The following MICU3 variants were observed in gnomAD, a reference collection of about 807,000 sequenced individuals.
MICU3 encodes the protein mitochondrial calcium uptake 3.
MICU3 carries 62 observed loss-of-function variants against 66.5 expected under a neutral mutation model. The observed-to-expected ratio is 0.93, with a 90% confidence interval of 0.76 to 1.15. The LOEUF (loss-of-function observed/expected upper bound fraction) is 1.15. Among genes scored for constraint, MICU3 ranks in the 50% most tolerant of loss-of-function variants. The pLI, the probability that MICU3 is intolerant of heterozygous loss-of-function variation, is 0.00. For missense variants in MICU3, 779 were observed against 664.4 expected, an observed-to-expected ratio of 1.17 and a Z score of -1.90; for synonymous variants, 308 against 240.7, an observed-to-expected ratio of 1.28 and a Z score of -2.59.
chr8:17,119,169 A>G (rs1190149366), intron 14 of MICU3, among the ~76,000 whole-genome samples: 1 of 152,188 alleles, frequency 6.6e-6, no homozygotes, highest in African/African-American at 2.4e-5. Context: ...CCATTTAACA[A>G]CAGAGAAAAA....
intron 1 of MICU3, among the ~76,000 whole-genome samples, chr8:17,037,906 T>C (rs1222209158): frequency 6.6e-6 from 1 of 152,222 alleles, no homozygotes; most frequent in Non-Finnish European, 1.5e-5. Context: ...TTGCCTGTCC[T>C]GTTGGATTTT....
chr8:17,038,148 C>T (rs183142116), intron 1 of MICU3, among the ~76,000 whole-genome samples: 65 of 152,070 alleles, frequency 4.3e-4, no homozygotes, highest in Non-Finnish European at 8.2e-4. Flanking sequence ...TTGGAAGGCA[C>T]GATCAATTTT....
At chr8:17,102,806 G>T (rs532168849) in intron 9 of MICU3, 1 of 152,014 alleles carries the variant, frequency 6.6e-6, no homozygotes, top group African/African-American at 2.4e-5. Context: ...AATCCTCAAA[G>T]AAGTTGGTTT....
intron 6 of MICU3, among the ~76,000 whole-genome samples, chr8:17,085,658 C>T (rs998122762): frequency 6.6e-6 from 1 of 152,066 alleles, no homozygotes; most frequent in Non-Finnish European, 1.5e-5. Flanking sequence ...CCTAGGCACA[C>T]AACTCCTTCC....
At chr8:17,074,926 A>C (rs1251294186) in intron 3 of MICU3, among the ~76,000 whole-genome samples, 1 of 152,052 alleles carries the variant, frequency 6.6e-6, no homozygotes, top group East Asian at 1.9e-4. Context: ...GACTGCCCTC[A>C]TTTCAGATGC....
At chr8:17,082,895 G>T (rs928656273) in intron 5 of MICU3, among the ~76,000 whole-genome samples, 6 of 152,142 alleles carry the variant, frequency 3.9e-5, no homozygotes, top group African/African-American at 1.4e-4. Context: ...ACTCACATAT[G>T]TGTATTTCAA....
At position 17,121,399 on chromosome 8, in the gene MICU3, C is replaced by G. The variant is rs1230040042; in HGVS notation, c.*1112C>G. The G allele has an allele frequency of 6.6e-6, 1 of 151,528 alleles. No individual in the cohort carries two copies. Among genetic ancestry groups the G allele is most frequent in the African/African-American group, 2.4e-5 (1 of 41,340 alleles). The allele number at this position is 151,528 out of a possible 1,614,324, so 9.4% of individuals were successfully genotyped here. On this transcript the variant is annotated 3_prime_UTR_variant, in exon 15 of 15. Coordinates refer to ENST00000318063, the MANE Select transcript of MICU3 (RefSeq NM_181723.3). Reference sequence around the variant, plus strand: ...ATAAAAACTTTCTGTTGAATCACAACAAAATTAGATTTGTACATAGAGAAA... The same window carrying G: ...ATAAAAACTTTCTGTTGAATCACAAGAAAATTAGATTTGTACATAGAGAAA...
chr8:17,096,039 CT>C (rs1200916906), intron 8 of MICU3, among the ~76,000 whole-genome samples: 1 of 151,910 alleles, frequency 6.6e-6, no homozygotes, highest in African/African-American at 2.4e-5. Context: ...ACTGTATATT[CT>C]TTTACCTCTT....
chr8:17,027,491 C>T lies in MICU3; in HGVS notation c.212C>T (p.Ala71Val). Reference sequence around the variant, plus strand: ...CGCTGGGGGGAGCTGAGCGTGGCGGCGGCGGCCGGCGGGGGGCTGGTCGGC... The same window carrying T: ...CGCTGGGGGGAGCTGAGCGTGGCGGTGGCGGCCGGCGGGGGGCTGGTCGGC... ...RRRWGELSVA[A>V]AAGGGLVGLV... The change falls in exon 1 of 15, where the codon GCG (alanine) becomes GTG (valine). Residue 71 changes from alanine (A) to valine (V), a missense_variant. Coordinates refer to ENST00000318063, the MANE Select transcript of MICU3 (RefSeq NM_181723.3). 1 of 1,281,090 alleles carries T rather than the reference C, an allele frequency of 7.8e-7. No individual in the cohort carries two copies. The highest frequency in any genetic ancestry group is 9.8e-7 in the Non-Finnish European group (1 of 1,018,358). The allele number at this position is 1,281,090 out of a possible 1,614,324, so 79.4% of individuals were successfully genotyped here. A position where few individuals can be genotyped will look rare whatever the true frequency, so the allele number is the denominator to read the frequency against.
intron 11 of MICU3, among the ~76,000 whole-genome samples, chr8:17,110,741 A>T (rs949322857): frequency 6.8e-6 from 1 of 148,002 alleles, no homozygotes; most frequent in Non-Finnish European, 1.5e-5. Context: ...TTTTTTGGGG[A>T]GGGGGGGGTA....
At chr8:17,098,646 T>C in intron 9 of MICU3, 93 bp downstream of exon 9, 1 of 815,126 alleles carries the variant, frequency 1.2e-6, no homozygotes, top group East Asian at 2.5e-5. Flanking sequence ...AAACCCAACA[T>C]GTATGTTACA....
At chr8:17,134,341 G>C in the MICU3 span, 1 of 152,504 alleles carries the variant, frequency 6.6e-6, no homozygotes, top group Non-Finnish European at 1.5e-5. Context: ...TAGTCCAAAG[G>C]CTGGCAGGCT....
chr8:17,118,566 TC>T, intron 13 of MICU3, 140 bp from the exon 14 acceptor site: 1 of 477,662 alleles, frequency 2.1e-6, no homozygotes, highest in Non-Finnish European at 3.7e-6. Context: ...TCCTCCCCAG[TC>T]CCCCAGCCTT....
intron 1 of MICU3, among the ~76,000 whole-genome samples, chr8:17,058,531 TG>T (rs986113216): frequency 1.7e-4 from 26 of 152,126 alleles, no homozygotes; most frequent in African/African-American, 5.8e-4. Context: ...TTATTATTGA[TG>T]TTTTTTTTTT....
intron 1 of MICU3, among the ~76,000 whole-genome samples, chr8:17,058,703 G>A (rs1817368784): frequency 6.6e-6 from 1 of 152,186 alleles, no homozygotes; most frequent in Non-Finnish European, 1.5e-5. Context: ...AGAGTTTCCA[G>A]TAGATCGAGT....
chr8:17,032,790 C>G (rs180877558), intron 1 of MICU3, among the ~76,000 whole-genome samples: 5 of 152,280 alleles, frequency 3.3e-5, no homozygotes, highest in South Asian at 2.1e-4. Flanking sequence ...GTGAATTGAG[C>G]AAATCAGTTG....
At chr8:17,136,837 CTTT>C in the MICU3 span, among the ~76,000 whole-genome samples, 1 of 140,330 alleles carries the variant, frequency 7.1e-6, no homozygotes, top group African/African-American at 2.6e-5. Flanking sequence ...GGAGATAAAC[CTTT>C]TTTTTTTTTT....
intron 4 of MICU3, among the ~76,000 whole-genome samples, chr8:17,079,864 AAAT>A (rs1455165068): frequency 1.3e-5 from 2 of 152,176 alleles, no homozygotes; most frequent in Non-Finnish European, 2.9e-5. Context: ...TTATGCATTT[AAAT>A]AATAAAAAAA....
At chr8:17,074,909 C>G (rs1457111715) in intron 3 of MICU3, among the ~76,000 whole-genome samples, 1 of 152,102 alleles carries the variant, frequency 6.6e-6, no homozygotes, top group Non-Finnish European at 1.5e-5. Context: ...AGCATGGTGC[C>G]TAACAAGACT....
Sources: gnomAD v4.1 joint callset for allele counts (sites outside exome capture counted in the v4.1 genomes callset) on GRCh38, gnomAD v4.1.1 for gene constraint, MANE v1.5 for transcripts, NCBI Gene and HGNC (gene_info 2026-07-23, HGNC 2026-07-21) for gene names.